The following LAMP3 variants were observed in gnomAD, a reference collection of about 807,000 sequenced individuals.
The protein encoded by LAMP3 is lysosome-associated membrane glycoprotein 3.
A neutral mutation model predicts 34.8 loss-of-function variants in LAMP3; 26 were observed. That is an observed-to-expected ratio of 0.75 (90% CI 0.55 to 1.04). The LOEUF is 1.04. Among genes scored for constraint, LAMP3 ranks in the 50% least tolerant of loss-of-function variants. The pLI is 0.00. For synonymous variants in LAMP3, 180 were observed against 201.9 expected, an observed-to-expected ratio of 0.89 and a Z score of 0.92; for missense variants, 495 against 524.0, an observed-to-expected ratio of 0.94 and a Z score of 0.54.
At chr3:183,142,155 T>A (rs912257599) in intron 3 of LAMP3, among the ~76,000 whole-genome samples, 3 of 152,212 alleles carry the variant, frequency 2.0e-5, no homozygotes, top group African/African-American at 7.2e-5. Context: ...GGGGCATTTT[T>A]AAAATTTGGA....
At chr3:183,147,204 C>T (rs1226374227) in intron 3 of LAMP3, among the ~76,000 whole-genome samples, 1 of 151,928 alleles carries the variant, frequency 6.6e-6, no homozygotes, top group African/African-American at 2.4e-5. Context: ...GATCGTGTCA[C>T]TGCACTCCAG....
intron 3 of LAMP3, among the ~76,000 whole-genome samples, chr3:183,149,505 A>T (rs1478160290): frequency 7.1e-6 from 1 of 140,598 alleles, no homozygotes; most frequent in Non-Finnish European, 1.5e-5. Context: ...AGATCGCACC[A>T]CTGCACTCCA....
intron 1 of LAMP3, among the ~76,000 whole-genome samples, chr3:183,155,579 A>C (rs1011439722): frequency 1.3e-5 from 2 of 152,194 alleles, no homozygotes; most frequent in Non-Finnish European, 2.9e-5. Context: ...CATTGCTTTC[A>C]CTGCATTAAT....
chr3:183,163,169 G>A (rs2108618213), upstream of LAMP3, among the ~76,000 whole-genome samples: 1 of 151,874 alleles, frequency 6.6e-6, no homozygotes, highest in East Asian at 1.9e-4. Context: ...TATTGGCCAG[G>A]CTGGTCTCGA....
chr3:183,140,507 C>T, intron 4 of LAMP3, 31 bp downstream of exon 4: 7 of 1,350,738 alleles, frequency 5.2e-6, no homozygotes, highest in Non-Finnish European at 7.3e-6. Flanking sequence ...AGCGTCATGG[C>T]TGGTCGAATG....
chr3:183,141,727 G>A (rs1720290453), intron 3 of LAMP3, among the ~76,000 whole-genome samples: 1 of 152,174 alleles, frequency 6.6e-6, no homozygotes, highest in Non-Finnish European at 1.5e-5. Context: ...GATACACTGA[G>A]CTCTAGATCC....
At position 183,123,424 on chromosome 3, in the gene LAMP3, T is replaced by A. The variant is rs1174643385; in HGVS notation, c.*657A>T. ...AAATACAAAAATTAGCCAGGCGTGG[T>A]AGTGTGTGCCTGTAATCCCAGCTAC... On this transcript the variant is annotated 3_prime_UTR_variant, in exon 6 of 6. Transcript: ENST00000265598. The A allele has an allele frequency of 6.6e-6, 1 of 152,460 alleles. No individual in the cohort carries two copies. The highest frequency in any genetic ancestry group is 1.5e-5 in the Non-Finnish European group (1 of 68,338). 9.4% of individuals were successfully genotyped at this position (152,460 alleles called of 1,614,324 possible).
At chr3:183,150,565 C>CTTTTTTTT (rs10665288) in intron 3 of LAMP3, among the ~76,000 whole-genome samples, 3 of 86,096 alleles carry the variant, frequency 3.5e-5, no homozygotes, top group Non-Finnish European at 4.4e-5. Flanking sequence ...GCCAAAGTGA[C>CTTTTTTTT]TTTTTTTTTT....
Position 183,151,433 on chromosome 3 carries a change from T to C in LAMP3, c.888+942A>G, listed in dbSNP as rs1014653902. ...GTGTATGGGGCATGCTCTTTTTTTTTTTTTTTTTTTTGAGATGGAGTTTTG... is the reference window on the plus strand; with the variant it reads ...GTGTATGGGGCATGCTCTTTTTTTTCTTTTTTTTTTTGAGATGGAGTTTTG... On this transcript the variant is annotated intron_variant, in intron 3 of 5. Coordinates refer to ENST00000265598, the MANE Select transcript of LAMP3 (RefSeq NM_014398.4). 4.8e-4 allele frequency among the ~76,000 whole-genome samples: 71 copies of C among 147,162 alleles called. 1 individual carries two copies. The highest frequency in any genetic ancestry group is 2.4e-3 in the East Asian group (12 of 4,914).
At chr3:183,125,795 C>T (rs758649555) in intron 5 of LAMP3, among the ~76,000 whole-genome samples, 1 of 152,138 alleles carries the variant, frequency 6.6e-6, no homozygotes, top group African/African-American at 2.4e-5. Context: ...AAGCCATCCT[C>T]CCACCTCATC....
intron 3 of LAMP3, among the ~76,000 whole-genome samples, chr3:183,151,165 T>C (rs540047096): frequency 1.4e-4 from 22 of 152,334 alleles, no homozygotes; most frequent in African/African-American, 5.1e-4. Flanking sequence ...ATTATTTCCA[T>C]TTTACAGATT....
chr3:183,148,441 G>T (rs1341350625), intron 3 of LAMP3, among the ~76,000 whole-genome samples: 2 of 152,140 alleles, frequency 1.3e-5, no homozygotes, highest in Non-Finnish European at 2.9e-5. Flanking sequence ...TTAACAACCA[G>T]AACATAGAAG....
At chr3:183,142,056 A>G (rs1435055028) in intron 3 of LAMP3, among the ~76,000 whole-genome samples, 1 of 152,224 alleles carries the variant, frequency 6.6e-6, no homozygotes, top group Non-Finnish European at 1.5e-5. Flanking sequence ...CAAGTTGAAC[A>G]ATGCCTTTAG....
At position 183,123,758 on chromosome 3, in the gene LAMP3, T is replaced by C. The variant is rs1719720884; in HGVS notation, c.*323A>G. On this transcript the variant is annotated 3_prime_UTR_variant, in exon 6 of 6. Coordinates refer to ENST00000265598, the MANE Select transcript of LAMP3 (RefSeq NM_014398.4). ...AGTATTAGTTACAATTGACCCTTGG[T>C]TTATAATTTGAAGGCTTATTCTACT... 2 of 274,376 alleles carry C rather than the reference T, an allele frequency of 7.3e-6. No homozygotes were observed. Among genetic ancestry groups the C allele is most frequent in the East Asian group, 2.3e-4 (2 of 8,522 alleles). 17.0% of individuals were successfully genotyped at this position (274,376 alleles called of 1,614,324 possible).
chr3:183,133,693 T>C lies in LAMP3; in HGVS notation c.1117+2024A>G, dbSNP rs150997087. 2.0e-4 allele frequency among the ~76,000 whole-genome samples: 30 copies of C among 152,290 alleles called. No homozygotes were observed. In the East Asian group the frequency reaches 4.2e-3, roughly 22 times the overall value. ...TTCTTACAGGGGCTGCTCAGATAGC[T>C]TGGGGCTCCTAAATCAGCATAATAA... On this transcript the variant is annotated intron_variant, in intron 5 of 5. Transcript: ENST00000265598.
intron 1 of LAMP3, among the ~76,000 whole-genome samples, chr3:183,160,460 C>A (rs1720944444): frequency 6.6e-6 from 1 of 152,114 alleles, no homozygotes; most frequent in Non-Finnish European, 1.5e-5. Flanking sequence ...AAACTCCTGG[C>A]CTCAAGCGAC....
At chr3:183,160,935 T>C (rs1720958702) in intron 1 of LAMP3, 1 of 152,214 alleles carries the variant, frequency 6.6e-6, no homozygotes, top group Admixed American at 6.5e-5. Flanking sequence ...CCATCATTGT[T>C]AATTACCATG....
chr3:183,135,510 G>A (rs1320974359), intron 5 of LAMP3, among the ~76,000 whole-genome samples: 1 of 152,196 alleles, frequency 6.6e-6, no homozygotes, highest in Non-Finnish European at 1.5e-5. Context: ...AGTGCAACCC[G>A]CTGCGGGACA....
chr3:183,160,586 T>C (rs542030684), intron 1 of LAMP3, among the ~76,000 whole-genome samples: 3 of 151,970 alleles, frequency 2.0e-5, no homozygotes, highest in South Asian at 4.1e-4. Context: ...TGGGAGACCA[T>C]GAACAATTCC....
Sources: gnomAD v4.1 joint callset for allele counts (sites outside exome capture counted in the v4.1 genomes callset) on GRCh38, gnomAD v4.1.1 for gene constraint, MANE v1.5 for transcripts, NCBI Gene and HGNC (gene_info 2026-07-23, HGNC 2026-07-21) for gene names.